LRRC7: variants seen among roughly 807,000 people sequenced by gnomAD.
LRRC7 encodes leucine-rich repeat-containing protein 7.
Under a neutral mutation model 175.7 loss-of-function variants are expected in LRRC7, and 23 were observed. That is an observed-to-expected ratio of 0.13 (90% CI 0.09 to 0.19). The LOEUF is 0.19. Among genes scored for constraint, LRRC7 ranks in the 10% least tolerant of loss-of-function variants. The pLI, the probability that LRRC7 is intolerant of heterozygous loss-of-function variation, is 1.00. For synonymous variants in LRRC7, 685 were observed against 680.9 expected (o/e 1.01, Z -0.09); for missense variants, 1,354 against 1,904.7 (o/e 0.71, Z 5.38).
intron 14 of LRRC7, 40 bp from the exon 15 acceptor site, chr1:70,018,679 G>A: frequency 7.2e-7 from 1 of 1,379,508 alleles, no homozygotes; most frequent in Non-Finnish European, 1.0e-6. Context: ...TTATATATTT[G>A]CAATTGTATT....
At position 69,698,176 on chromosome 1, in the gene LRRC7, T is replaced by G. The variant is rs1006075043; in HGVS notation, c.100+19698T>G. Among the ~76,000 whole-genome samples, 6 of 152,288 alleles carry G rather than the reference T, an allele frequency of 3.9e-5. No homozygotes were observed. In the South Asian group the frequency reaches 6.2e-4, roughly 16 times the overall value. On this transcript the variant is annotated intron_variant, in intron 2 of 26. Transcript: ENST00000651989. ...AACTATCCGCAAGCTCTGACAGAAG[T>G]TTTTGTGGACTCAGTCTGCCATGAT...
intron 2 of LRRC7, among the ~76,000 whole-genome samples, chr1:69,693,806 A>G (rs1003771988): frequency 1.3e-5 from 2 of 152,232 alleles, no homozygotes; most frequent in African/African-American, 2.4e-5. Flanking sequence ...TGAGTTGCTA[A>G]GGGTTTAAAT....
chr1:69,712,861 G>A (rs1623854), intron 2 of LRRC7, among the ~76,000 whole-genome samples: 66,359 of 151,788 alleles, frequency 0.44, 14,760 homozygotes, highest in Admixed American at 0.5. Context: ...GAAAGGCCCA[G>A]TTTCAGCTAT....
In LRRC7 at chr1:70,038,416, T is replaced by C. The variant is rs908945666; in HGVS notation, c.2592T>C (p.Ser864=). 1.9e-6 allele frequency: 3 copies of C among 1,613,988 alleles called. No individual in the cohort carries two copies. In the African/African-American group the frequency reaches 4.0e-5, roughly 22 times the overall value. ...IVGVPLELEQ[S]THRHTPETEV... ...GTGTTCCCCTGGAACTCGAGCAGTC[T>C]ACACACAGACACACACCAGAAACAG... is the stretch of plus-strand genomic sequence containing the variant. Residue 864 remains serine (S), a synonymous_variant, in exon 21 of 27, where the codon TCT becomes TCC. Coordinates refer to ENST00000651989, the MANE Select transcript of LRRC7 (RefSeq NM_001370785.2).
At chr1:69,967,332 C>A (rs1570840236) in intron 8 of LRRC7, among the ~76,000 whole-genome samples, 1 of 152,188 alleles carries the variant, frequency 6.6e-6, no homozygotes, top group Middle Eastern at 3.4e-3. Context: ...ACATGCCTAG[C>A]CCTGCTCCCA....
chr1:70,044,130 A>G lies in LRRC7; in HGVS notation c.4110+36A>G, dbSNP rs201984492. On this transcript the variant is annotated intron_variant, in intron 22 of 26. Transcript: ENST00000651989. ...ACTGCCCTACATGTGTCAGCATACCAAAGCCAATTAATGTTGTTTGTTCAC... is the reference window on the plus strand; with the variant it reads ...ACTGCCCTACATGTGTCAGCATACCGAAGCCAATTAATGTTGTTTGTTCAC... The G allele has an allele frequency of 3.9e-5, 63 of 1,598,226 alleles. No individual in the cohort carries two copies. The East Asian group carries it at 1.2e-3, about 31-fold the overall frequency.
At chr1:69,803,513 T>C (rs1392891234) in intron 4 of LRRC7, among the ~76,000 whole-genome samples, 1 of 151,422 alleles carries the variant, frequency 6.6e-6, no homozygotes, top group African/African-American at 2.4e-5. Context: ...TTACAAATTG[T>C]ATCACTTTTT....
At position 70,143,362 on chromosome 1, in the gene LRRC7, T is replaced by G. The variant is rs545341653; in HGVS notation, c.*21475T>G. ...TATATTATCAAGTCGTTTTCAAATT[T>G]ACAATATTCGACTGGTAAAGAAAGT... On this transcript the variant is annotated 3_prime_UTR_variant, in exon 27 of 27. Transcript: ENST00000651989. 6.6e-6 allele frequency: 1 copy of G among 152,308 alleles called. No individual in the cohort carries two copies. The highest frequency in any genetic ancestry group is 2.1e-4 in the South Asian group (1 of 4,824). The allele number at this position is 152,308 out of a possible 1,614,324, so 9.4% of individuals were successfully genotyped here.
intron 23 of LRRC7, among the ~76,000 whole-genome samples, chr1:70,073,232 G>A (rs902464061): frequency 6.6e-6 from 1 of 152,068 alleles, no homozygotes; most frequent in African/African-American, 2.4e-5. Context: ...TTAAATGCCA[G>A]TTACTGTGTC....
intron 8 of LRRC7, among the ~76,000 whole-genome samples, chr1:69,940,229 A>AGGTC (rs1648569785): frequency 6.6e-6 from 1 of 152,160 alleles, no homozygotes; most frequent in East Asian, 1.9e-4. Context: ...CTATGGCTTT[A>AGGTC]ATAAGCAGAC....
intron 7 of LRRC7, among the ~76,000 whole-genome samples, chr1:69,888,350 C>T (rs7531319): frequency 0.37 from 56,495 of 151,982 alleles, 12,862 homozygotes; most frequent in East Asian, 0.55. Flanking sequence ...GTCTGAAAAG[C>T]GCAATATTCG....
intron 2 of LRRC7, among the ~76,000 whole-genome samples, chr1:69,727,274 T>G (rs1024031233): frequency 1.3e-5 from 2 of 152,158 alleles, no homozygotes; most frequent in Non-Finnish European, 2.9e-5. Context: ...GCAAGGGATC[T>G]GGGATGGTCA....
intron 7 of LRRC7, among the ~76,000 whole-genome samples, chr1:69,857,198 T>G (rs1173524188): frequency 6.6e-6 from 1 of 152,082 alleles, no homozygotes; most frequent in Non-Finnish European, 1.5e-5. Flanking sequence ...CTTTGAAAAC[T>G]GGCACAAGAC....
intron 1 of LRRC7, among the ~76,000 whole-genome samples, chr1:69,642,721 T>C (rs1405179619): frequency 6.6e-6 from 1 of 151,982 alleles, no homozygotes; most frequent in Non-Finnish European, 1.5e-5. Context: ...TAAGTAGATG[T>C]TTTAAATAGA....
chr1:69,765,170 C>G (rs1202125199), intron 3 of LRRC7, among the ~76,000 whole-genome samples: 1 of 152,016 alleles, frequency 6.6e-6, no homozygotes, highest in Non-Finnish European at 1.5e-5. Context: ...TAGAAGCAAC[C>G]CTGGAGATTA....
intron 2 of LRRC7, among the ~76,000 whole-genome samples, chr1:69,681,191 T>C (rs1388792878): frequency 1.3e-5 from 2 of 152,130 alleles, no homozygotes; most frequent in Admixed American, 6.6e-5. Context: ...AATGGCCTAG[T>C]TGTTTTTCTG....
At chr1:69,822,633 G>A (rs1416801230) in intron 4 of LRRC7, among the ~76,000 whole-genome samples, 1 of 152,228 alleles carries the variant, frequency 6.6e-6, no homozygotes, top group Non-Finnish European at 1.5e-5. Flanking sequence ...AGTTGGGCAA[G>A]CCTCACTCAC....
intron 10 of LRRC7, 97 bp from the exon 11 acceptor site, chr1:69,994,464 A>G (rs1185853618): frequency 2.3e-6 from 2 of 871,602 alleles, no homozygotes; most frequent in Non-Finnish European, 3.8e-6. Flanking sequence ...TTAGCATGCC[A>G]AGCATTCAAC....
At chr1:69,595,929 C>T (rs1646824274) in intron 1 of LRRC7, among the ~76,000 whole-genome samples, 1 of 151,304 alleles carries the variant, frequency 6.6e-6, no homozygotes, top group South Asian at 2.1e-4. Context: ...TAATAACATA[C>T]CCAGTGAGTG....
Sources: gnomAD v4.1 joint callset for allele counts (sites outside exome capture counted in the v4.1 genomes callset) on GRCh38, gnomAD v4.1.1 for gene constraint, MANE v1.5 for transcripts, NCBI Gene and HGNC (gene_info 2026-07-23, HGNC 2026-07-21) for gene names.